The following SNTG1 variants were observed in gnomAD, a reference collection of about 807,000 sequenced individuals.
The protein encoded by SNTG1 is syntrophin gamma 1.
SNTG1 carries 39 observed loss-of-function variants against 74.7 expected under a neutral mutation model. That is an observed-to-expected ratio of 0.52 (90% CI 0.40 to 0.68). The LOEUF is 0.68. SNTG1 is among the 30% of genes least tolerant of loss of function. SNTG1 has a pLI of 0.00. For synonymous variants in SNTG1, 254 were observed against 217.1 expected (o/e 1.17, Z -1.49); for missense variants, 685 against 609.5 (o/e 1.12, Z -1.30).
intron 2 of SNTG1, among the ~76,000 whole-genome samples, chr8:50,297,774 A>G (rs971481181): frequency 2.6e-5 from 4 of 152,096 alleles, no homozygotes; most frequent in African/African-American, 9.7e-5. Flanking sequence ...TAGTTACTGC[A>G]GGTATCTGAA....
chr8:50,553,829 A>T (rs1319027805), intron 12 of SNTG1, among the ~76,000 whole-genome samples: 1 of 152,136 alleles, frequency 6.6e-6, no homozygotes, highest in Non-Finnish European at 1.5e-5. Context: ...AATATACAAA[A>T]CCACAAACCT....
chr8:50,300,705 T>A (rs78729960), intron 2 of SNTG1, among the ~76,000 whole-genome samples: 2,453 of 152,244 alleles, frequency 0.016, 67 homozygotes, highest in African/African-American at 0.056. Flanking sequence ...AGTTACCATC[T>A]GGTACCATTT....
intron 4 of SNTG1, among the ~76,000 whole-genome samples, chr8:50,428,580 G>A (rs968908468): frequency 6.6e-6 from 1 of 152,074 alleles, no homozygotes; most frequent in African/African-American, 2.4e-5. Context: ...ACATATGAAG[G>A]ACCTGCTACA....
At chr8:50,545,749 C>T (rs2094382840) in intron 11 of SNTG1, among the ~76,000 whole-genome samples, 1 of 151,860 alleles carries the variant, frequency 6.6e-6, no homozygotes, top group African/African-American at 2.4e-5. Flanking sequence ...TAGTTTTCTC[C>T]CAGAGTGCAC....
chr8:50,230,709 AG>A (rs929549766), intron 2 of SNTG1, among the ~76,000 whole-genome samples: 1 of 151,388 alleles, frequency 6.6e-6, no homozygotes, highest in Non-Finnish European at 1.5e-5. Flanking sequence ...GCAAAAAATC[AG>A]CCTGGACCCT....
chr8:50,325,382 A>T (rs1283113775), intron 2 of SNTG1, among the ~76,000 whole-genome samples: 1 of 152,000 alleles, frequency 6.6e-6, no homozygotes, highest in African/African-American at 2.4e-5. Context: ...AGTTGTTTTT[A>T]AATTAATTTC....
intron 18 of SNTG1, among the ~76,000 whole-genome samples, chr8:50,778,371 C>A (rs184697619): frequency 6.6e-6 from 1 of 152,070 alleles, no homozygotes; most frequent in Non-Finnish European, 1.5e-5. Flanking sequence ...CCTGTTGTTT[C>A]CTGACTTTTT....
At chr8:50,583,609 T>C (rs1373655860) in intron 12 of SNTG1, among the ~76,000 whole-genome samples, 2 of 152,022 alleles carry the variant, frequency 1.3e-5, no homozygotes, top group Non-Finnish European at 2.9e-5. Context: ...AAATCAAATG[T>C]TTCTTATGCA....
At chr8:50,330,957 A>G (rs1221040418) in intron 2 of SNTG1, among the ~76,000 whole-genome samples, 1 of 152,204 alleles carries the variant, frequency 6.6e-6, no homozygotes, top group Admixed American at 6.5e-5. Flanking sequence ...GGGGACATAG[A>G]GCTAAACCAT....
chr8:50,148,752 G>A (rs1484343053), intron 1 of SNTG1, among the ~76,000 whole-genome samples: 3 of 152,146 alleles, frequency 2.0e-5, no homozygotes, highest in Non-Finnish European at 4.4e-5. Flanking sequence ...TGGATGCATA[G>A]TATTCCATGG....
chr8:50,738,791 A>C (rs1376282743), intron 17 of SNTG1, among the ~76,000 whole-genome samples: 1 of 56,186 alleles, frequency 1.8e-5, no homozygotes, highest in African/African-American at 2.6e-4. Context: ...CAAACCTGAC[A>C]AAAAAAAAAA....
intron 12 of SNTG1, 29 bp from the exon 13 acceptor site, chr8:50,590,850 T>C (rs1305342611): frequency 1.4e-6 from 2 of 1,452,636 alleles, no homozygotes; most frequent in Non-Finnish European, 1.9e-6. Flanking sequence ...ATTGTTCTTC[T>C]CACTTTTATT....
At chr8:50,688,616 A>G (rs1476119859) in intron 15 of SNTG1, among the ~76,000 whole-genome samples, 3 of 152,196 alleles carry the variant, frequency 2.0e-5, no homozygotes, top group South Asian at 2.1e-4. Flanking sequence ...ATTGGTCTCT[A>G]TCTCTGTTTT....
chr8:50,143,892 T>C (rs978995796), intron 1 of SNTG1, among the ~76,000 whole-genome samples: 2 of 152,220 alleles, frequency 1.3e-5, no homozygotes, highest in Admixed American at 6.5e-5. Context: ...TTACATCATA[T>C]ACCTTAATCA....
intron 2 of SNTG1, among the ~76,000 whole-genome samples, chr8:50,330,532 T>A (rs1456320208): frequency 1.3e-5 from 2 of 152,200 alleles, no homozygotes; most frequent in African/African-American, 4.8e-5. Flanking sequence ...CCTCTTCCTG[T>A]TACCCAGTTC....
chr8:49,985,405 C>T (rs1468228480), intron 1 of SNTG1, among the ~76,000 whole-genome samples: 1 of 143,762 alleles, frequency 7.0e-6, no homozygotes, highest in Non-Finnish European at 1.5e-5. Flanking sequence ...GCTGGGATTA[C>T]AGGCATGAGC....
At chr8:49,992,677 G>A (rs1813805019) in intron 1 of SNTG1, among the ~76,000 whole-genome samples, 1 of 152,128 alleles carries the variant, frequency 6.6e-6, no homozygotes, top group African/African-American at 2.4e-5. Flanking sequence ...GCAGAAAGGG[G>A]GAATTCTAAG....
chr8:50,152,059 G>A (rs551355461), intron 1 of SNTG1, among the ~76,000 whole-genome samples: 2 of 152,068 alleles, frequency 1.3e-5, no homozygotes, highest in Non-Finnish European at 1.5e-5. Context: ...CTCTTTGTAG[G>A]TCTCTAAGGA....
chr8:50,553,201 AC>A (rs773973912), intron 12 of SNTG1, 22 bp downstream of exon 12: 4 of 1,613,294 alleles, frequency 2.5e-6, no homozygotes, highest in Non-Finnish European at 3.4e-6. Flanking sequence ...TTCAAGGAAT[AC>A]CTAGCCAGGG....
Sources: gnomAD v4.1 joint callset for allele counts (sites outside exome capture counted in the v4.1 genomes callset) on GRCh38, gnomAD v4.1.1 for gene constraint, MANE v1.5 for transcripts, NCBI Gene and HGNC (gene_info 2026-07-23, HGNC 2026-07-21) for gene names.